ABLIM1: variants seen among roughly 807,000 people sequenced by gnomAD.
The protein encoded by ABLIM1 is actin binding LIM protein 1.
ABLIM1 carries 40 observed loss-of-function variants against 107.0 expected under a neutral mutation model. The observed-to-expected ratio is 0.37, with a 90% confidence interval of 0.29 to 0.49. The LOEUF (loss-of-function observed/expected upper bound fraction) is 0.49. Among genes scored for constraint, ABLIM1 ranks in the 20% least tolerant of loss-of-function variants. The probability of loss-of-function intolerance (pLI) is 0.97; values close to 1 mark genes in which losing one functional copy is unlikely to be tolerated. For synonymous variants in ABLIM1, 357 were observed against 357.3 expected, an observed-to-expected ratio of 1.00 and a Z score of 0.01; for missense variants, 857 against 1,008.5, an observed-to-expected ratio of 0.85 and a Z score of 2.04.
At chr10:114,774,724 C>T in the ABLIM1 span, among the ~76,000 whole-genome samples, 123 of 152,208 alleles carry the variant, frequency 8.1e-4, no homozygotes, top group Non-Finnish European at 1.3e-3. Flanking sequence ...GACCTCTAAC[C>T]TAGACATGAG....
intron 12 of ABLIM1, among the ~76,000 whole-genome samples, chr10:114,464,576 T>C (rs936826042): frequency 5.9e-5 from 9 of 152,104 alleles, no homozygotes; most frequent in Admixed American, 3.3e-4. Context: ...TAATAGCCCA[T>C]GAAATAAAGG....
At chr10:114,535,788 G>A (rs942117105) in intron 6 of ABLIM1, among the ~76,000 whole-genome samples, 5 of 152,138 alleles carry the variant, frequency 3.3e-5, no homozygotes, top group African/African-American at 1.2e-4. Context: ...CCCTTGAACA[G>A]CGTGGGTTTG....
intron 1 of ABLIM1, among the ~76,000 whole-genome samples, chr10:114,665,250 T>G (rs539334946): frequency 1.4e-4 from 21 of 152,318 alleles, no homozygotes; most frequent in African/African-American, 5.1e-4. Context: ...AAGGGGTGTG[T>G]CAAATGTGCT....
chr10:114,549,649 A>T (rs1386198061), intron 4 of ABLIM1, among the ~76,000 whole-genome samples: 1 of 152,226 alleles, frequency 6.6e-6, no homozygotes, highest in Non-Finnish European at 1.5e-5. Context: ...GCAAAAGCAC[A>T]TATGTGCATG....
chr10:114,529,565 G>A (rs1237511299), intron 6 of ABLIM1, among the ~76,000 whole-genome samples: 3 of 152,158 alleles, frequency 2.0e-5, no homozygotes, highest in Non-Finnish European at 4.4e-5. Context: ...TTCCAAATTC[G>A]TGAGTTTCCA....
chr10:114,630,257 A>G (rs1192650909), intron 1 of ABLIM1, among the ~76,000 whole-genome samples: 3 of 152,224 alleles, frequency 2.0e-5, no homozygotes. Context: ...TACTCATATC[A>G]GGGAAACAAA....
intron 1 of ABLIM1, among the ~76,000 whole-genome samples, chr10:114,766,874 T>C (rs1435185214): frequency 2.0e-5 from 3 of 152,198 alleles, no homozygotes; most frequent in African/African-American, 7.2e-5. Flanking sequence ...TATACGTGAA[T>C]AATTAGGCAT....
At chr10:114,483,649 T>C (rs1278374075) in intron 8 of ABLIM1, among the ~76,000 whole-genome samples, 1 of 152,188 alleles carries the variant, frequency 6.6e-6, no homozygotes, top group African/African-American at 2.4e-5. Flanking sequence ...ACTCTAAGCT[T>C]CTATACTTCT....
intron 6 of ABLIM1, among the ~76,000 whole-genome samples, chr10:114,504,283 G>A (rs79671172): frequency 2.0e-5 from 3 of 151,942 alleles, no homozygotes; most frequent in Non-Finnish European, 2.9e-5. Flanking sequence ...CTTGGTGGGC[G>A]CCTGTTATTC....
chr10:114,678,779 G>A (rs895047528), intron 1 of ABLIM1, among the ~76,000 whole-genome samples: 1 of 152,124 alleles, frequency 6.6e-6, no homozygotes, highest in African/African-American at 2.4e-5. Flanking sequence ...CCTTGAGTTT[G>A]TTAGAAAGTT....
rs115550929 is a variant in ABLIM1 at position 114,480,504 on chromosome 10, G to T, written c.1042-6548C>A. On this transcript the variant is annotated intron_variant, in intron 8 of 22. Coordinates refer to ENST00000533213, the MANE Select transcript of ABLIM1 (RefSeq NM_002313.7). ...GAAAAACCAACTCGAAAGTGCAGTT[G>T]GAGAAATTCAGTTCTTCCTTTTGAT... is the stretch of plus-strand genomic sequence containing the variant. Among the ~76,000 whole-genome samples, 827 of 152,340 alleles carry T rather than the reference G, an allele frequency of 5.4e-3. 7 individuals are homozygous for T. Among genetic ancestry groups the T allele is most frequent in the African/African-American group, 0.019 (784 of 41,574 alleles).
intron 1 of ABLIM1, among the ~76,000 whole-genome samples, chr10:114,727,449 A>G (rs1188413342): frequency 6.6e-6 from 1 of 152,240 alleles, no homozygotes; most frequent in Non-Finnish European, 1.5e-5. Context: ...TGGATTGCCC[A>G]TGTCATAGAA....
intron 1 of ABLIM1, among the ~76,000 whole-genome samples, chr10:114,602,600 A>C (rs2076103354): frequency 6.6e-6 from 1 of 152,246 alleles, no homozygotes; most frequent in South Asian, 2.1e-4. Context: ...CATTATGTGC[A>C]TAGTGTCTGA....
rs1375794493 is a variant in ABLIM1 at position 114,478,601 on chromosome 10, A to C, written c.1042-4645T>G. Among the ~76,000 whole-genome samples the C allele has an allele frequency of 2.0e-5, 3 of 152,328 alleles. No homozygotes were observed. In the East Asian group the frequency reaches 5.8e-4, roughly 29 times the overall value. ...TCTCTTTCCTGACACCATGTGAAGA[A>C]GGTCTTTGCTTCCCCTTTGCCTTCT... On this transcript the variant is annotated intron_variant, in intron 8 of 22. Transcript: ENST00000533213.
intron 2 of ABLIM1, among the ~76,000 whole-genome samples, chr10:114,580,710 A>C (rs1443870645): frequency 6.6e-6 from 1 of 152,130 alleles, no homozygotes; most frequent in Admixed American, 6.5e-5. Context: ...TTTTTAACAA[A>C]ATTTTGGTCT....
At chr10:114,487,910 G>GT in intron 8 of ABLIM1, 48 bp downstream of exon 8, 3 of 1,600,136 alleles carry the variant, frequency 1.9e-6, no homozygotes, top group Non-Finnish European at 1.7e-6. Flanking sequence ...GACCACGAGC[G>GT]TATGGCCTAC....
chr10:114,599,785 C>CAAAT (rs35940521), intron 2 of ABLIM1, among the ~76,000 whole-genome samples: 67,809 of 146,830 alleles, frequency 0.46, 16,811 homozygotes, highest in Non-Finnish European at 0.56. Context: ...GACTCCATCT[C>CAAAT]AAATAAATAA....
At chr10:114,462,767 T>C (rs1436150382) in intron 12 of ABLIM1, among the ~76,000 whole-genome samples, 3 of 151,682 alleles carry the variant, frequency 2.0e-5, no homozygotes. Context: ...TATATATATA[T>C]ATATTTTCTT....
At chr10:114,443,672 T>TAAAA (rs11418258) in intron 17 of ABLIM1, among the ~76,000 whole-genome samples, 34 of 107,218 alleles carry the variant, frequency 3.2e-4, no homozygotes, top group Non-Finnish European at 4.0e-4. Flanking sequence ...TCATGTTATC[T>TAAAA]AAAAAAAAAA....
Sources: allele counts gnomAD v4.1 joint callset (sites outside exome capture counted in the v4.1 genomes callset), GRCh38; gene constraint gnomAD v4.1.1; transcripts MANE v1.5; gene names NCBI Gene and HGNC (gene_info 2026-07-23, HGNC 2026-07-21).